ARAP1: variants seen among roughly 807,000 people sequenced by gnomAD.
The protein encoded by ARAP1 is ArfGAP with RhoGAP domain, ankyrin repeat and PH domain 1, also known as arf-GAP with Rho-GAP domain, ANK repeat and PH domain-containing protein 1.
A neutral mutation model predicts 172.2 loss-of-function variants in ARAP1; 76 were observed. The observed-to-expected ratio is 0.44, with a 90% CI of 0.37 to 0.53. ARAP1 has a LOEUF of 0.53. Ranked by LOEUF, ARAP1 falls within the 20% of genes least tolerant of loss-of-function variation. The pLI is 0.00. For synonymous variants in ARAP1, 804 were observed against 803.3 expected (o/e 1.00, Z -0.01); for missense variants, 1,686 against 1,977.5 (o/e 0.85, Z 2.80).
rs1856392485 is a variant in ARAP1, at chr11:72,699,801, CT to C, written c.2303-250del. 6.6e-6 allele frequency among the ~76,000 whole-genome samples: 1 copy of C among 152,204 alleles called. No individual in the cohort carries two copies. The highest frequency in any genetic ancestry group is 2.4e-5 in the African/African-American group (1 of 41,440). ...GATCTAGCTAAAATCAGACCCCATC[CT>C]TCCTCTAACCAAAACCATTCCATGG... On this transcript the variant is annotated intron_variant, in intron 16 of 34. Coordinates refer to ENST00000393609, the MANE Select transcript of ARAP1 (RefSeq NM_001040118.3). This position sits in a 1 kb window ranked among gnomAD's most constrained non-coding sequence, Gnocchi z 4.2.
intron 11 of ARAP1, 133 bp from the exon 12 acceptor site, chr11:72,707,507 T>C: frequency 1.3e-6 from 1 of 772,978 alleles, no homozygotes; most frequent in Non-Finnish European, 2.0e-6. Flanking sequence ...CATCCCACTC[T>C]GGTAGGGAAG....
intron 1 of ARAP1, among the ~76,000 whole-genome samples, chr11:72,748,207 A>C (rs1189176417): frequency 6.6e-6 from 1 of 152,186 alleles, no homozygotes; most frequent in African/African-American, 2.4e-5. Flanking sequence ...AGCTACTGCT[A>C]CTATTATTAC....
At chr11:72,687,584 T>A in intron 32 of ARAP1, 82 bp from the exon 33 acceptor site, 1 of 1,612,322 alleles carries the variant, frequency 6.2e-7, no homozygotes, top group Non-Finnish European at 8.5e-7. Context: ...CAGCCCAGGG[T>A]CTGCTAGTGG....
chr11:72,737,572 C>T (rs1858069885), intron 1 of ARAP1, among the ~76,000 whole-genome samples: 1 of 152,104 alleles, frequency 6.6e-6, no homozygotes, highest in African/African-American at 2.4e-5. Context: ...AAATGCACAC[C>T]ATTTGGCAAC....
chr11:72,713,030 C>A, intron 5 of ARAP1, 146 bp downstream of exon 5: 1 of 858,948 alleles, frequency 1.2e-6, no homozygotes, highest in South Asian at 1.6e-5. Context: ...TCCTGACCCC[C>A]GTATGGCAAG....
At chr11:72,694,308 C>G (rs1856078307) in intron 27 of ARAP1, among the ~76,000 whole-genome samples, 1 of 151,902 alleles carries the variant, frequency 6.6e-6, no homozygotes. Context: ...CTGCCATTCA[C>G]TAGCCCTCCG....
At chr11:72,696,481 A>G in intron 23 of ARAP1, 68 bp downstream of exon 23, 2 of 1,327,338 alleles carry the variant, frequency 1.5e-6, no homozygotes, top group South Asian at 3.3e-5. Flanking sequence ...GAGGGTAGTC[A>G]GCCAGGGTGG....
At chr11:72,704,356 C>A in intron 13 of ARAP1, 22 bp from the exon 14 acceptor site, 1 of 1,528,766 alleles carries the variant, frequency 6.5e-7, no homozygotes, top group South Asian at 1.3e-5. Flanking sequence ...TGCAGGAGGT[C>A]AGACGGGCCA....
chr11:72,741,298 G>A lies in ARAP1; in HGVS notation c.-127-8701C>T, dbSNP rs561866849. Among the ~76,000 whole-genome samples the A allele has an allele frequency of 2.0e-5, 3 of 152,122 alleles. No individual in the cohort carries two copies. Among genetic ancestry groups the A allele is most frequent in the African/African-American group, 7.2e-5 (3 of 41,498 alleles). ...GCCCACCGGGCTCATCTAATACATG[G>A]CATAGCTCCTGACCCCAACCCTCCA... On this transcript the variant is annotated intron_variant, in intron 1 of 34. Transcript: ENST00000393609. This position sits in a 1 kb window ranked among gnomAD's most constrained non-coding sequence, Gnocchi z 4.5.
intron 11 of ARAP1, 129 bp downstream of exon 11, chr11:72,709,741 A>T: frequency 1.1e-6 from 1 of 933,206 alleles, no homozygotes; most frequent in Non-Finnish European, 1.7e-6. Flanking sequence ...GAGGGGCTCC[A>T]CAGGTGGGGC....
At chr11:72,711,893 C>T (rs776992911) in intron 7 of ARAP1, among the ~76,000 whole-genome samples, 4 of 152,030 alleles carry the variant, frequency 2.6e-5, no homozygotes, top group Non-Finnish European at 4.4e-5. Flanking sequence ...GACGAGGTCT[C>T]GCCATGTTGC....
rs548443241 is a variant in ARAP1, at chr11:72,692,936, G to A, written c.3955-151C>T. 15 of 1,021,246 alleles carry A rather than the reference G, an allele frequency of 1.5e-5. No homozygotes were observed. In the South Asian group the frequency reaches 2.0e-4, roughly 14 times the overall value. 63.3% of individuals were successfully genotyped at this position (1,021,246 alleles called of 1,614,324 possible). On this transcript the variant is annotated intron_variant, in intron 29 of 34. Transcript: ENST00000393609. Reference sequence around the variant, plus strand: ...TGGAGTCTGGGTTGGGAGAACACCTGCATGTGGACAGAATGAGGGAGAAGG... The same window carrying A: ...TGGAGTCTGGGTTGGGAGAACACCTACATGTGGACAGAATGAGGGAGAAGG...
At chr11:72,739,940 C>G (rs1858151624) in intron 1 of ARAP1, among the ~76,000 whole-genome samples, 1 of 152,200 alleles carries the variant, frequency 6.6e-6, no homozygotes, top group Non-Finnish European at 1.5e-5. Context: ...TTCTGGACCT[C>G]CCCTGGAATG....
chr11:72,739,434 G>A (rs906527337), intron 1 of ARAP1, among the ~76,000 whole-genome samples: 2 of 152,080 alleles, frequency 1.3e-5, no homozygotes, highest in Non-Finnish European at 2.9e-5. Context: ...AGAGCCGGGG[G>A]AATGAAGAGC....
At position 72,695,315 on chromosome 11, in the gene ARAP1, C is replaced by T. The variant is rs1173725324; in HGVS notation, c.3576+72G>A. ...CTCCTCGGGGTAGAAGCACTGCTCC[C>T]CTGGCCATCTGAGCCTGTACCTGGC... On this transcript the variant is annotated intron_variant, in intron 26 of 34. Transcript: ENST00000393609. The surrounding 1 kb of genome is among the most constrained non-coding windows in gnomAD (Gnocchi z 4.4). 1.1e-5 allele frequency: 18 copies of T among 1,595,176 alleles called. No homozygotes were observed. The highest frequency in any genetic ancestry group is 1.5e-5 in the Non-Finnish European group (18 of 1,164,498).
chr11:72,712,118 A>T, intron 7 of ARAP1, 78 bp downstream of exon 7: 1 of 1,470,976 alleles, frequency 6.8e-7, no homozygotes, highest in Non-Finnish European at 9.0e-7. Flanking sequence ...AGTGAGTGAT[A>T]CCAGTGTCCT....
intron 11 of ARAP1, among the ~76,000 whole-genome samples, chr11:72,709,187 G>A (rs551793403): frequency 3.5e-4 from 53 of 152,254 alleles, no homozygotes; most frequent in South Asian, 6.2e-4. Flanking sequence ...GAAAGATCCC[G>A]CTGGAGACAG....
Position 72,699,660 on chromosome 11 carries a change from T to C in ARAP1, c.2303-108A>G, listed in dbSNP as rs777095518. The C allele has an allele frequency of 5.4e-4, 768 of 1,423,320 alleles. 1 individual carries two copies. Among genetic ancestry groups the C allele is most frequent in the Non-Finnish European group, 6.8e-4 (722 of 1,063,282 alleles). 88.2% of individuals were successfully genotyped at this position (1,423,320 alleles called of 1,614,324 possible). A position where few individuals can be genotyped will look rare whatever the true frequency, so the allele number is the denominator to read the frequency against. ...TCCCATCTGACCCATGAGCTCTTCA[T>C]TCTCTCAAGTTTTCCCTAAATCCAT... is the stretch of plus-strand genomic sequence containing the variant. On this transcript the variant is annotated intron_variant, in intron 16 of 34. Coordinates refer to ENST00000393609, the MANE Select transcript of ARAP1 (RefSeq NM_001040118.3). The surrounding 1 kb of genome is among the most constrained non-coding windows in gnomAD (Gnocchi z 4.2).
At chr11:72,727,294 G>A in intron 2 of ARAP1, 122 bp from the exon 3 acceptor site, 1 of 835,308 alleles carries the variant, frequency 1.2e-6, no homozygotes, top group Non-Finnish European at 1.8e-6. Context: ...TTCCTCCCCT[G>A]TGCTCCATGT....
Sources: allele counts gnomAD v4.1 joint callset (sites outside exome capture counted in the v4.1 genomes callset), GRCh38; gene constraint gnomAD v4.1.1; non-coding constraint Gnocchi (gnomAD v3.1); transcripts MANE v1.5; gene names NCBI Gene and HGNC (gene_info 2026-07-23, HGNC 2026-07-21).